Variants in BAZ2B observed in about 807,000 individuals in gnomAD.
The protein encoded by BAZ2B is bromodomain adjacent to zinc finger domain protein 2B.
BAZ2B carries 91 observed loss-of-function variants against 246.0 expected under a neutral mutation model. That is an observed-to-expected ratio of 0.37 (90% CI 0.31 to 0.44). BAZ2B has a LOEUF of 0.44. BAZ2B is among the 20% of genes least tolerant of loss of function. The pLI, the probability that BAZ2B is intolerant of heterozygous loss-of-function variation, is 1.00. For synonymous variants in BAZ2B, 855 were observed against 860.0 expected (o/e 0.99, Z 0.10); for missense variants, 2,332 against 2,533.7 (o/e 0.92, Z 1.71).
the BAZ2B span, among the ~76,000 whole-genome samples, chr2:159,698,783 T>A: frequency 6.6e-6 from 1 of 152,186 alleles, no homozygotes; most frequent in Admixed American, 6.5e-5. Flanking sequence ...CTATTCATTT[T>A]ATAATTTTAT....
At chr2:159,704,043 T>C in the BAZ2B span, among the ~76,000 whole-genome samples, 1 of 152,178 alleles carries the variant, frequency 6.6e-6, no homozygotes, top group South Asian at 2.1e-4. Context: ...TTTATGATGA[T>C]GTAATAGAAA....
chr2:159,437,169 G>A (rs1043475193), intron 8 of BAZ2B, among the ~76,000 whole-genome samples: 5 of 152,126 alleles, frequency 3.3e-5, no homozygotes, highest in African/African-American at 1.2e-4. Flanking sequence ...GATAATATTT[G>A]TAATATTGTG....
chr2:159,706,524 CCGTGTGTGTG>C, the BAZ2B span, among the ~76,000 whole-genome samples: 2 of 152,230 alleles, frequency 1.3e-5, no homozygotes, highest in Admixed American at 6.5e-5. Context: ...GTGTGTGCCT[CCGTGTGTGTG>C]CGTGTGTGTT....
intron 27 of BAZ2B, among the ~76,000 whole-genome samples, chr2:159,371,124 T>G (rs1470554203): frequency 1.3e-5 from 2 of 151,180 alleles, no homozygotes; most frequent in Admixed American, 1.3e-4. Context: ...TCATAATTTT[T>G]GTTATGTATG....
rs867305335 is a variant in BAZ2B at position 159,380,727 on chromosome 2, C to T, written c.4005+1832G>A. On this transcript the variant is annotated intron_variant, in intron 25 of 36. Transcript: ENST00000392783. ...GCACATGCTATGCAGAGGGTACCTA[C>T]AGGTACCAGCCCCCAGTAAAAACCT... is the stretch of plus-strand genomic sequence containing the variant. Among the ~76,000 whole-genome samples, 5 of 152,140 alleles carry T rather than the reference C, an allele frequency of 3.3e-5. No homozygotes were observed. The South Asian group carries it at 6.2e-4, about 19-fold the overall frequency.
At chr2:159,397,495 G>T in intron 18 of BAZ2B, 106 bp from the exon 19 acceptor site, 2 of 628,992 alleles carry the variant, frequency 3.2e-6, no homozygotes, top group East Asian at 3.1e-5. Flanking sequence ...TCATTAGGTT[G>T]AACCATATGA....
the BAZ2B span, among the ~76,000 whole-genome samples, chr2:159,640,339 C>CA: frequency 6.6e-6 from 1 of 152,116 alleles, no homozygotes. Flanking sequence ...CTGCTATACA[C>CA]AAAAAATGGG....
the BAZ2B span, among the ~76,000 whole-genome samples, chr2:159,663,855 CTTTTTTTTTTTTTTTTTTTTTTTT>C: frequency 1.1e-5 from 1 of 92,498 alleles, no homozygotes; most frequent in African/African-American, 4.1e-5. Context: ...AAACCATTTT[CTTTTTTTTTTTTTTTTTTTTTTTT>C]TTTTTTTTAA....
intron 3 of BAZ2B, among the ~76,000 whole-genome samples, chr2:159,467,252 C>A (rs1449963962): frequency 6.6e-6 from 1 of 152,146 alleles, no homozygotes; most frequent in South Asian, 2.1e-4. Context: ...GTTGAAAGTA[C>A]AAAATATCCA....
In BAZ2B at chr2:159,412,326, G is replaced by A. The variant is rs1235267129; in HGVS notation, c.2677+9C>T. The A allele has an allele frequency of 6.2e-7, 1 of 1,612,698 alleles. No individual in the cohort carries two copies. Among genetic ancestry groups the A allele is most frequent in the African/African-American group, 1.3e-5 (1 of 74,900 alleles). ...TGATTATTAGTGTCAGACACATTAT[G>A]TTTCTTACCTTGAGCTTGCAGTTTT... On this transcript the variant is annotated intron_variant, in intron 14 of 36. Transcript: ENST00000392783.
At chr2:159,439,320 T>C in intron 6 of BAZ2B, 108 bp from the exon 7 acceptor site, 1 of 1,014,320 alleles carries the variant, frequency 9.9e-7, no homozygotes, top group Non-Finnish European at 1.5e-6. Context: ...AATCTCAAAA[T>C]GTCATTGTAG....
chr2:159,330,627 A>G (rs796069269), intron 34 of BAZ2B, among the ~76,000 whole-genome samples: 1 of 151,978 alleles, frequency 6.6e-6, no homozygotes, highest in African/African-American at 2.4e-5. Context: ...CGGAGGCTGT[A>G]GTGCGAGGAT....
At chr2:159,686,950 G>A in the BAZ2B span, among the ~76,000 whole-genome samples, 5 of 148,738 alleles carry the variant, frequency 3.4e-5, no homozygotes, top group African/African-American at 7.4e-5. Flanking sequence ...GCTGAGGCAG[G>A]AGAATGGCGT....
chr2:159,337,288 G>A (rs1296773212), intron 32 of BAZ2B, among the ~76,000 whole-genome samples: 3 of 152,132 alleles, frequency 2.0e-5, no homozygotes, highest in Non-Finnish European at 2.9e-5. Flanking sequence ...AGATCACTTT[G>A]CAGGATTATC....
chr2:159,549,212 C>T (rs1302873469), intron 2 of BAZ2B, among the ~76,000 whole-genome samples: 1 of 152,052 alleles, frequency 6.6e-6, no homozygotes, highest in African/African-American at 2.4e-5. Flanking sequence ...ACCTGGGAGG[C>T]GGAGGCTGCA....
chr2:159,588,224 A>AC (rs1436582104), intron 1 of BAZ2B, among the ~76,000 whole-genome samples: 3 of 151,660 alleles, frequency 2.0e-5, no homozygotes, highest in Non-Finnish European at 2.9e-5. Flanking sequence ...CAAAAAAAAA[A>AC]AAAAAAAACC....
At chr2:159,582,901 C>T (rs1033149169) in intron 1 of BAZ2B, among the ~76,000 whole-genome samples, 13 of 152,110 alleles carry the variant, frequency 8.5e-5, no homozygotes, top group African/African-American at 2.9e-4. Context: ...TAAATATCAA[C>T]CCAAGAGAAT....
At chr2:159,654,076 GC>G in the BAZ2B span, among the ~76,000 whole-genome samples, 2 of 152,152 alleles carry the variant, frequency 1.3e-5, no homozygotes, top group African/African-American at 4.8e-5. Context: ...TAGTGGGAAT[GC>G]AATCAGAAAT....
At chr2:159,318,255 T>C (rs76536493), downstream of BAZ2B, among the ~76,000 whole-genome samples, 1,236 of 152,328 alleles carry the variant, frequency 8.1e-3, 23 homozygotes, top group African/African-American at 0.028. Flanking sequence ...TGCTGCCTTC[T>C]TCCCTGCTCT....
Sources: gnomAD v4.1 joint callset for allele counts (sites outside exome capture counted in the v4.1 genomes callset) on GRCh38, gnomAD v4.1.1 for gene constraint, MANE v1.5 for transcripts, NCBI Gene and HGNC (gene_info 2026-07-23, HGNC 2026-07-21) for gene names.